Variants in LRIG1 observed in about 807,000 individuals in gnomAD.
LRIG1 encodes leucine-rich repeats and immunoglobulin-like domains protein 1.
In LRIG1, 48 loss-of-function variants were observed where a neutral mutation model predicts 99.2. The observed-to-expected ratio is 0.48, with a 90% CI of 0.38 to 0.62. The LOEUF is 0.62. Ranked by LOEUF, LRIG1 falls within the 20% of genes least tolerant of loss-of-function variation. The pLI is 0.00. For missense variants in LRIG1, 1,646 were observed against 1,434.4 expected (o/e 1.15, Z -2.38); for synonymous variants, 772 against 596.1 (o/e 1.29, Z -4.30).
Position 66,380,285 on chromosome 3 carries a change from A to G in LRIG1, c.3260T>C (p.Leu1087Pro). The G allele has an allele frequency of 6.2e-7, 1 of 1,613,372 alleles. No homozygotes were observed. The highest frequency in any genetic ancestry group is 1.7e-5 in the Admixed American group (1 of 60,006). ...AACCTAGCTTTTTGGTGCCAACAGC[A>G]GTGGCACCCTCTGTTTCCCGGGGAG... Reference protein sequence around the residue: ...GQLPGKQRVPLLLAPKS With the variant: ...GQLPGKQRVPPLLAPKS The change falls in exon 19 of 19, where the codon CTG becomes CCG. Residue 1087 changes from leucine to proline, a missense_variant. Physicochemically the swap from Leu to Pro is moderately conservative, Grantham distance 98. Transcript: ENST00000273261.
chr3:66,397,832 G>C (rs1701914479), intron 11 of LRIG1, among the ~76,000 whole-genome samples: 1 of 152,248 alleles, frequency 6.6e-6, no homozygotes, highest in Non-Finnish European at 1.5e-5. Flanking sequence ...ACATTGCCTA[G>C]AATAGTGGTT....
chr3:66,422,125 G>A (rs1702838595), intron 3 of LRIG1, among the ~76,000 whole-genome samples: 1 of 152,206 alleles, frequency 6.6e-6, no homozygotes, highest in South Asian at 2.1e-4. Flanking sequence ...TAGGCCTCCA[G>A]GCCTGTGATG....
In LRIG1 at chr3:66,410,107, G is replaced by T. The variant is rs769310331; in HGVS notation, c.935+22C>A. On this transcript the variant is annotated intron_variant, in intron 7 of 18. Transcript: ENST00000273261. Reference sequence around the variant, plus strand: ...AGCAGTGTCTAAAAACACTGCCACAGCCCAGAGCCGAGGACACTTACAACT... The same window carrying T: ...AGCAGTGTCTAAAAACACTGCCACATCCCAGAGCCGAGGACACTTACAACT... 5.0e-6 allele frequency: 8 copies of T among 1,598,634 alleles called. No homozygotes were observed. In the South Asian group the frequency reaches 6.8e-5, roughly 14 times the overall value.
At chr3:66,467,890 T>A (rs192465628) in intron 1 of LRIG1, among the ~76,000 whole-genome samples, 2 of 152,320 alleles carry the variant, frequency 1.3e-5, no homozygotes, top group African/African-American at 4.8e-5. Flanking sequence ...AAATCTGAGC[T>A]ACCCAATAAC....
intron 1 of LRIG1, among the ~76,000 whole-genome samples, chr3:66,497,867 A>T: frequency 6.6e-6 from 1 of 152,124 alleles, no homozygotes; most frequent in East Asian, 1.9e-4. Flanking sequence ...AGAGCGTGTA[A>T]ACTTGGTGAA....
rs747020747 is a variant in LRIG1 at position 66,386,077 on chromosome 3, G to A, written c.1693C>T (p.Arg565Cys). ...CCCTCGTGCCCGAAAGTGACCTGAC[G>A]GAGGTGCAGGATGGTGGTGTACTCC... is the stretch of plus-strand genomic sequence containing the variant. Reference protein sequence around the residue: ...VMEYTTILHLRQVTFGHEGRY... With the variant: ...VMEYTTILHLCQVTFGHEGRY... The change falls in exon 13 of 19, where the codon CGT becomes TGT. Residue 565 changes from arginine to cysteine, a missense_variant. Transcript: ENST00000273261. 4.6e-5 allele frequency: 74 copies of A among 1,614,044 alleles called. No individual in the cohort carries two copies. The highest frequency in any genetic ancestry group is 5.8e-5 in the Non-Finnish European group (69 of 1,180,024).
At chr3:66,393,173 G>A (rs1701691266) in intron 12 of LRIG1, among the ~76,000 whole-genome samples, 1 of 152,180 alleles carries the variant, frequency 6.6e-6, no homozygotes, top group Non-Finnish European at 1.5e-5. Flanking sequence ...TGGCCCACAA[G>A]GGTTGCCATA....
At chr3:66,418,365 T>A (rs1163373965) in intron 3 of LRIG1, among the ~76,000 whole-genome samples, 1 of 152,236 alleles carries the variant, frequency 6.6e-6, no homozygotes, top group Non-Finnish European at 1.5e-5. Flanking sequence ...AATGTTGGGA[T>A]TACAGGCGTG....
At chr3:66,454,573 C>A (rs944223986) in intron 2 of LRIG1, among the ~76,000 whole-genome samples, 1 of 152,190 alleles carries the variant, frequency 6.6e-6, no homozygotes, top group East Asian at 1.9e-4. Flanking sequence ...CCCTAAAAAT[C>A]TCTCTGAAAC....
At chr3:66,489,703 T>C (rs1057131757) in intron 1 of LRIG1, among the ~76,000 whole-genome samples, 10 of 152,212 alleles carry the variant, frequency 6.6e-5, no homozygotes, top group Non-Finnish European at 1.0e-4. Context: ...TTAGAAATTA[T>C]ACATCCCTTT....
intron 12 of LRIG1, among the ~76,000 whole-genome samples, chr3:66,390,631 G>A (rs1701580812): frequency 6.6e-6 from 1 of 152,068 alleles, no homozygotes; most frequent in South Asian, 2.1e-4. Context: ...GTAAGGAAAT[G>A]GCAAGGGATC....
Position 66,415,072 on chromosome 3 carries a change from A to T in LRIG1, c.504-9T>A, listed in dbSNP as rs368479185. On this transcript the variant is annotated splice_polypyrimidine_tract_variant and intron_variant, in intron 4 of 18. Coordinates refer to ENST00000273261, the MANE Select transcript of LRIG1 (RefSeq NM_015541.3). ...GATTGCCTGCCAGGTTGCTGGAATGATTCAGAAAAGAAAATGTGGTGGTTG... is the reference window on the plus strand; with the variant it reads ...GATTGCCTGCCAGGTTGCTGGAATGTTTCAGAAAAGAAAATGTGGTGGTTG... 2 of 1,587,958 alleles carry T rather than the reference A, an allele frequency of 1.3e-6. No individual in the cohort carries two copies. Among genetic ancestry groups the T allele is most frequent in the African/African-American group, 1.4e-5 (1 of 73,832 alleles).
intron 14 of LRIG1, 115 bp from the exon 15 acceptor site, chr3:66,383,516 T>C (rs370670545): frequency 1.1e-6 from 1 of 930,064 alleles, no homozygotes; most frequent in South Asian, 1.8e-5. Flanking sequence ...TCTGAGATTC[T>C]GTCTCAGAGT....
At chr3:66,473,966 T>C (rs190209526) in intron 1 of LRIG1, among the ~76,000 whole-genome samples, 78 of 152,318 alleles carry the variant, frequency 5.1e-4, no homozygotes, top group Non-Finnish European at 4.0e-4. Context: ...ACACTCTAAA[T>C]TTAAAAGACC....
intron 1 of LRIG1, among the ~76,000 whole-genome samples, chr3:66,498,922 A>G (rs1005190472): frequency 6.6e-6 from 1 of 152,156 alleles, no homozygotes; most frequent in African/African-American, 2.4e-5. Flanking sequence ...CACAGGCCAC[A>G]TTTTCTTCGA....
At chr3:66,482,178 C>T (rs925641260) in intron 1 of LRIG1, among the ~76,000 whole-genome samples, 3 of 152,220 alleles carry the variant, frequency 2.0e-5, no homozygotes, top group East Asian at 1.9e-4. Flanking sequence ...CCGCAACACG[C>T]GTCCACATCT....
Position 66,380,868 on chromosome 3 carries a change from G to A in LRIG1, c.2771-7C>T, listed in dbSNP as rs754735785. ...ACGACCCGGCCACCGTGTTCTGAAGGACAGCGCCAAAGATGGGTTAGAGTC... is the reference window on the plus strand; with the variant it reads ...ACGACCCGGCCACCGTGTTCTGAAGAACAGCGCCAAAGATGGGTTAGAGTC... On this transcript the variant is annotated splice_polypyrimidine_tract_variant and splice_region_variant and intron_variant, in intron 17 of 18. Transcript: ENST00000273261. The A allele has an allele frequency of 1.2e-6, 2 of 1,612,794 alleles. No individual in the cohort carries two copies. The highest frequency in any genetic ancestry group is 1.7e-5 in the Admixed American group (1 of 59,994).
At chr3:66,444,266 A>G (rs1703644896) in intron 3 of LRIG1, among the ~76,000 whole-genome samples, 1 of 152,178 alleles carries the variant, frequency 6.6e-6, no homozygotes, top group African/African-American at 2.4e-5. Flanking sequence ...TTGAGTGGTC[A>G]CCAACAAACA....
At chr3:66,433,371 C>A (rs1703242943) in intron 3 of LRIG1, among the ~76,000 whole-genome samples, 1 of 152,234 alleles carries the variant, frequency 6.6e-6, no homozygotes, top group Non-Finnish European at 1.5e-5. Context: ...ACTGTGGGTG[C>A]TGCAGCGCTA....
Sources: allele counts gnomAD v4.1 joint callset (sites outside exome capture counted in the v4.1 genomes callset), GRCh38; gene constraint gnomAD v4.1.1; transcripts MANE v1.5; gene names NCBI Gene and HGNC (gene_info 2026-07-23, HGNC 2026-07-21).